The following DCUN1D5 variants were observed in gnomAD, a reference collection of about 807,000 sequenced individuals.
The protein encoded by DCUN1D5 is DCN1-like protein 5.
In DCUN1D5, 10 loss-of-function variants were observed where a neutral mutation model predicts 38.3. That is an observed-to-expected ratio of 0.26 (90% CI 0.16 to 0.44). DCUN1D5 has a LOEUF of 0.44. DCUN1D5 is among the 20% of genes least tolerant of loss of function. The pLI, the probability that DCUN1D5 is intolerant of heterozygous loss-of-function variation, is 1.00. For missense variants in DCUN1D5, 148 were observed against 275.3 expected, an observed-to-expected ratio of 0.54 and a Z score of 3.27; for synonymous variants, 93 against 90.9, an observed-to-expected ratio of 1.02 and a Z score of -0.13.
At chr11:103,081,194 TAC>T (rs1210698945) in intron 4 of DCUN1D5, among the ~76,000 whole-genome samples, 2 of 152,154 alleles carry the variant, frequency 1.3e-5, no homozygotes, top group Non-Finnish European at 2.9e-5. Context: ...TTTAAAAATA[TAC>T]AGCCACTTGT....
Position 103,054,064 on chromosome 11 carries a change from A to G in DCUN1D5, c.*8295T>C, listed in dbSNP as rs559035585. On this transcript the variant is annotated 3_prime_UTR_variant, in exon 8 of 8. Coordinates refer to ENST00000260247, the MANE Select transcript of DCUN1D5 (RefSeq NM_032299.4). ...GAAAACTTTCCAGGTGAAAAGCAGGAAAAAGAACCTCATTCCAGAAGGTTC... is the reference window on the plus strand; with the variant it reads ...GAAAACTTTCCAGGTGAAAAGCAGGGAAAAGAACCTCATTCCAGAAGGTTC... 93 of 152,274 alleles carry G rather than the reference A, an allele frequency of 6.1e-4. No individual in the cohort carries two copies. The highest frequency in any genetic ancestry group is 2.2e-3 in the African/African-American group (91 of 41,570). The allele number at this position is 152,274 out of a possible 1,614,324, so 9.4% of individuals were successfully genotyped here.
In DCUN1D5 at chr11:103,091,744, AAGGAGGG is replaced by A. The variant is rs764817735; in HGVS notation, c.86+36_86+42del. 1.2e-5 allele frequency: 19 copies of A among 1,612,794 alleles called. No individual in the cohort carries two copies. The highest frequency in any genetic ancestry group is 2.7e-5 in the African/African-American group (2 of 74,852). On this transcript the variant is annotated intron_variant, in intron 1 of 7. Transcript: ENST00000260247. This position sits in a 1 kb window ranked among gnomAD's most constrained non-coding sequence, Gnocchi z 4.3. ...CTCCTTTTCCTCCAGTTGTCCAGCAAAGGAGGGAGGAGGGAAGCTTGAAGGGTGGGGG... is the reference window on the plus strand; with the variant it reads ...CTCCTTTTCCTCCAGTTGTCCAGCAAAGGAGGGAAGCTTGAAGGGTGGGGG...
Position 103,064,581 on chromosome 11 carries a change from G to A in DCUN1D5, c.556-204C>T, listed in dbSNP as rs778393866. On this transcript the variant is annotated intron_variant, in intron 6 of 7. Transcript: ENST00000260247. This position sits in a 1 kb window ranked among gnomAD's most constrained non-coding sequence, Gnocchi z 4.5. ...ATTTTTTACTTTTTTTTTCATTTTTGAGGAATAATAAGAGCACTGAGTACT... is the reference window on the plus strand; with the variant it reads ...ATTTTTTACTTTTTTTTTCATTTTTAAGGAATAATAAGAGCACTGAGTACT... Among the ~76,000 whole-genome samples, 13 of 150,048 alleles carry A rather than the reference G, an allele frequency of 8.7e-5. No homozygotes were observed. Among genetic ancestry groups the A allele is most frequent in the Non-Finnish European group, 1.8e-4 (12 of 67,556 alleles).
chr11:103,054,316 T>C lies in DCUN1D5; in HGVS notation c.*8043A>G, dbSNP rs771692448. 2.0e-5 allele frequency: 3 copies of C among 152,122 alleles called. No homozygotes were observed. The highest frequency in any genetic ancestry group is 4.4e-5 in the Non-Finnish European group (3 of 67,996). The allele number at this position is 152,122 out of a possible 1,614,324, so 9.4% of individuals were successfully genotyped here. Reference sequence around the variant, plus strand: ...TCTCCATAATCTTTAGACGTGTTAATAGGAAAAGCATCTCTCTAAGGGTAA... The same window carrying C: ...TCTCCATAATCTTTAGACGTGTTAACAGGAAAAGCATCTCTCTAAGGGTAA... On this transcript the variant is annotated 3_prime_UTR_variant, in exon 8 of 8. Transcript: ENST00000260247.
rs1861887401 is a variant in DCUN1D5 at position 103,056,881 on chromosome 11, A to C, written c.*5478T>G. Among the ~76,000 whole-genome samples, 1 of 152,218 alleles carries C rather than the reference A, an allele frequency of 6.6e-6. No individual in the cohort carries two copies. The highest frequency in any genetic ancestry group is 1.5e-5 in the Non-Finnish European group (1 of 68,038). On this transcript the variant is annotated 3_prime_UTR_variant, in exon 8 of 8. Coordinates refer to ENST00000260247, the MANE Select transcript of DCUN1D5 (RefSeq NM_032299.4). The surrounding 1 kb of genome is among the most constrained non-coding windows in gnomAD (Gnocchi z 4.9). Reference sequence around the variant, plus strand: ...TTCAAGTAACAAGACGCATTCATTTAACACCTACTAAGTGCTGTGGATAGG... The same window carrying C: ...TTCAAGTAACAAGACGCATTCATTTCACACCTACTAAGTGCTGTGGATAGG...
chr11:103,070,897 G>A (rs1373751831), intron 4 of DCUN1D5, among the ~76,000 whole-genome samples: 2 of 152,086 alleles, frequency 1.3e-5, no homozygotes, highest in Non-Finnish European at 2.9e-5. Flanking sequence ...AATCAAACTA[G>A]AAATCAATAA....
chr11:103,075,811 A>G (rs1267770485), intron 4 of DCUN1D5, among the ~76,000 whole-genome samples: 1 of 152,244 alleles, frequency 6.6e-6, no homozygotes, highest in Non-Finnish European at 1.5e-5. Flanking sequence ...TTATATATGA[A>G]TGAATGCACA....
chr11:103,081,058 C>A (rs1357012806), intron 4 of DCUN1D5, among the ~76,000 whole-genome samples: 1 of 151,098 alleles, frequency 6.6e-6, no homozygotes, highest in African/African-American at 2.4e-5. Context: ...TTCTTGTACG[C>A]AAGACCATAT....
In DCUN1D5 at chr11:103,060,306, CAA is replaced by C; in HGVS notation, c.*2051_*2052del. Among the ~76,000 whole-genome samples the C allele has an allele frequency of 6.6e-6, 1 of 152,222 alleles. No individual in the cohort carries two copies. Among genetic ancestry groups the C allele is most frequent in the South Asian group, 2.1e-4 (1 of 4,820 alleles). On this transcript the variant is annotated 3_prime_UTR_variant, in exon 8 of 8. Coordinates refer to ENST00000260247, the MANE Select transcript of DCUN1D5 (RefSeq NM_032299.4). ...ATAAAGTAAATTTCATTTTCAGACT[CAA>C]AAAGTCTTAAAGGTATCTTTGGATA...
Position 103,083,303 on chromosome 11 carries a change from C to T in DCUN1D5, c.202G>A (p.Glu68Lys), listed in dbSNP as rs907892078. The T allele has an allele frequency of 3.7e-6, 6 of 1,601,666 alleles. No homozygotes were observed. In the African/African-American group the frequency reaches 8.0e-5, roughly 21 times the overall value. The change falls in exon 3 of 8, where the codon GAA (glutamate) becomes AAA (lysine). Residue 68 changes from glutamate to lysine, a missense_variant. Transcript: ENST00000260247. The surrounding 1 kb of genome is among the most constrained non-coding windows in gnomAD (Gnocchi z 4.4). ...TCTTCACAAAATTTTTCCATTCCTT[C>T]TGGCCCTACAACTTCATCAGGACCT... ...YAGPDEVVGP[E>K]GMEKFCEDIG... is the part of the protein sequence containing the mutation.
chr11:103,054,322 A>C lies in DCUN1D5; in HGVS notation c.*8037T>G, dbSNP rs1345760738. The C allele has an allele frequency of 6.6e-6, 1 of 152,124 alleles. No individual in the cohort carries two copies. The highest frequency in any genetic ancestry group is 2.4e-5 in the African/African-American group (1 of 41,448). The allele number at this position is 152,124 out of a possible 1,614,324, so 9.4% of individuals were successfully genotyped here. On this transcript the variant is annotated 3_prime_UTR_variant, in exon 8 of 8. Transcript: ENST00000260247. ...TAATCTTTAGACGTGTTAATAGGAA[A>C]AGCATCTCTCTAAGGGTAAAAATGT...
intron 4 of DCUN1D5, among the ~76,000 whole-genome samples, chr11:103,081,171 A>G (rs1389132918): frequency 1.3e-5 from 2 of 152,238 alleles, no homozygotes; most frequent in Non-Finnish European, 2.9e-5. Flanking sequence ...AACATAAATA[A>G]GAAACTTTTA....
Position 103,055,698 on chromosome 11 carries a change from T to C in DCUN1D5, c.*6661A>G, listed in dbSNP as rs1258225042. 2.0e-5 allele frequency: 3 copies of C among 152,214 alleles called. No individual in the cohort carries two copies. The highest frequency in any genetic ancestry group is 7.2e-5 in the African/African-American group (3 of 41,448). The allele number at this position is 152,214 out of a possible 1,614,324, so 9.4% of individuals were successfully genotyped here. A position where few individuals can be genotyped will look rare whatever the true frequency, so the allele number is the denominator to read the frequency against. The stretch of plus-strand genomic sequence containing the variant: ...AATTTCATCGATCATATGTCTTCAA[T>C]TAAGTTCTATCCTCTGGCTACACTT... On this transcript the variant is annotated 3_prime_UTR_variant, in exon 8 of 8. Transcript: ENST00000260247.
rs553119703 is a variant in DCUN1D5 at position 103,066,501 on chromosome 11, C to T, written c.408G>A (p.Ser136=). The change falls in exon 5 of 8, where the codon TCG becomes TCA. Residue 136 remains serine (S), a synonymous_variant. Transcript: ENST00000260247. This position sits in a 1 kb window ranked among gnomAD's most constrained non-coding sequence, Gnocchi z 4.7. ...DFLRSQLNDI[S]SFKNIYRYAF... ...CATATCTGTAGATATTCTTAAATGA[C>T]GAAATATCATTCAACTGTGAGCGCA... 2.4e-5 allele frequency: 38 copies of T among 1,612,078 alleles called. No homozygotes were observed. Among genetic ancestry groups the T allele is most frequent in the South Asian group, 6.6e-5 (6 of 90,840 alleles).
Position 103,089,310 on chromosome 11 carries a change from C to A in DCUN1D5, c.95G>T (p.Arg32Ile). 6.2e-7 allele frequency: 1 copy of A among 1,604,156 alleles called. No homozygotes were observed. Among genetic ancestry groups the A allele is most frequent in the Non-Finnish European group, 8.5e-7 (1 of 1,173,418 alleles). Residue 32 changes from arginine (R) to isoleucine (I), a missense_variant, in exon 2 of 8, where the codon AGA (arginine) becomes ATA (isoleucine). Coordinates refer to ENST00000260247, the MANE Select transcript of DCUN1D5 (RefSeq NM_032299.4). ...TATTAGTCTAGCAGGGGGTTGGGAT[C>A]TGCAATAGCTTAGAAAACACACAGA... Reference protein sequence around the residue: ...LKKCKISSYCRSQPPARLISG... With the variant: ...LKKCKISSYCISQPPARLISG...
Position 103,073,682 on chromosome 11 carries a change from A to T in DCUN1D5, c.342-7115T>A, listed in dbSNP as rs548636728. On this transcript the variant is annotated intron_variant, in intron 4 of 7. Coordinates refer to ENST00000260247, the MANE Select transcript of DCUN1D5 (RefSeq NM_032299.4). The surrounding 1 kb of genome is among the most constrained non-coding windows in gnomAD (Gnocchi z 4.2). ...AATGCACCACTGACTTACATGTAAAATTTAATAATGGAAGGCTTCTAGAAA... is the reference window on the plus strand; with the variant it reads ...AATGCACCACTGACTTACATGTAAATTTTAATAATGGAAGGCTTCTAGAAA... Among the ~76,000 whole-genome samples, 32 of 152,360 alleles carry T rather than the reference A, an allele frequency of 2.1e-4. No individual in the cohort carries two copies. Among genetic ancestry groups the T allele is most frequent in the Non-Finnish European group, 3.8e-4 (26 of 68,036 alleles).
intron 4 of DCUN1D5, among the ~76,000 whole-genome samples, chr11:103,072,758 C>T (rs904803695): frequency 2.1e-4 from 2 of 9,550 alleles, no homozygotes; most frequent in African/African-American, 4.7e-4. Context: ...CGGGGCCTGT[C>T]GGGGGGTGGG....
Position 103,092,127 on chromosome 11 carries a change from G to T in DCUN1D5, c.-255C>A, listed in dbSNP as rs1382988270. The T allele has an allele frequency of 6.7e-6, 3 of 450,362 alleles. No individual in the cohort carries two copies. The highest frequency in any genetic ancestry group is 1.2e-5 in the Non-Finnish European group (3 of 252,620). The allele number at this position is 450,362 out of a possible 1,614,324, so 27.9% of individuals were successfully genotyped here. On this transcript the variant is annotated 5_prime_UTR_variant, in exon 1 of 8. Coordinates refer to ENST00000260247, the MANE Select transcript of DCUN1D5 (RefSeq NM_032299.4). ...CGTTCTCACCGGGAGGAGATAACGC[G>T]GACAGCGCGGCAGCTCCACCAGTCA...
chr11:103,052,654 T>C lies in DCUN1D5; in HGVS notation c.*9705A>G, dbSNP rs1268655778. The C allele has an allele frequency of 1.3e-5, 2 of 152,188 alleles. No homozygotes were observed. Among genetic ancestry groups the C allele is most frequent in the Non-Finnish European group, 2.9e-5 (2 of 68,022 alleles). 9.4% of individuals were successfully genotyped at this position (152,188 alleles called of 1,614,324 possible). ...AGTCTCTCTTGGTAGTTCTTACATATCATCCTTTTTTAGACCAGCTCTAGA... is the reference window on the plus strand; with the variant it reads ...AGTCTCTCTTGGTAGTTCTTACATACCATCCTTTTTTAGACCAGCTCTAGA... On this transcript the variant is annotated 3_prime_UTR_variant, in exon 8 of 8. Transcript: ENST00000260247.
Sources: gnomAD v4.1 joint callset for allele counts (sites outside exome capture counted in the v4.1 genomes callset) on GRCh38, gnomAD v4.1.1 for gene constraint, Gnocchi (gnomAD v3.1) non-coding constraint, MANE v1.5 for transcripts, NCBI Gene and HGNC (gene_info 2026-07-23, HGNC 2026-07-21) for gene names.